The following AGBL1 variants were observed in gnomAD, a reference collection of about 807,000 sequenced individuals.
AGBL1 encodes AGBL carboxypeptidase 1, also known as cytosolic carboxypeptidase 4.
Under a neutral mutation model 118.9 loss-of-function variants are expected in AGBL1, and 130 were observed. The ratio of observed to expected loss-of-function variants is 1.09; its 90% CI spans 0.95 to 1.26. The LOEUF (loss-of-function observed/expected upper bound fraction) is 1.26. Ranked by LOEUF, AGBL1 falls within the 50% of genes most tolerant of loss-of-function variation. The pLI is 0.00. For missense variants in AGBL1, 1,584 were observed against 1,298.1 expected (o/e 1.22, Z -3.38); for synonymous variants, 555 against 478.9 (o/e 1.16, Z -2.08).
intron 18 of AGBL1, among the ~76,000 whole-genome samples, chr15:86,447,797 A>G (rs547338167): frequency 1.5e-3 from 232 of 152,206 alleles, no homozygotes; most frequent in Non-Finnish European, 2.8e-3. Flanking sequence ...TTCTGAATAC[A>G]AAGAGAGGAC....
chr15:86,724,021 G>A (rs1227689872), intron 22 of AGBL1, among the ~76,000 whole-genome samples: 1 of 152,006 alleles, frequency 6.6e-6, no homozygotes, highest in African/African-American at 2.4e-5. Flanking sequence ...GGATCACGAG[G>A]TCAGGAGATC....
chr15:86,435,719 A>G (rs2081993318), intron 18 of AGBL1, among the ~76,000 whole-genome samples: 1 of 152,186 alleles, frequency 6.6e-6, no homozygotes, highest in Admixed American at 6.5e-5. Context: ...GCTAGCCAGA[A>G]ACCTCGGGTA....
At chr15:86,084,840 C>A (rs1404827428) in intron 1 of AGBL1, among the ~76,000 whole-genome samples, 1 of 152,186 alleles carries the variant, frequency 6.6e-6, no homozygotes, top group African/African-American at 2.4e-5. Context: ...ATTTATCCAT[C>A]CATCCATCCA....
chr15:86,366,056 G>T (rs2080883058), intron 17 of AGBL1, among the ~76,000 whole-genome samples: 1 of 152,110 alleles, frequency 6.6e-6, no homozygotes, highest in African/African-American at 2.4e-5. Flanking sequence ...GTGTCCCCAG[G>T]CCTGGCAGCA....
At chr15:86,705,250 C>G (rs983451648) in intron 22 of AGBL1, among the ~76,000 whole-genome samples, 1 of 152,102 alleles carries the variant, frequency 6.6e-6, no homozygotes, top group Non-Finnish European at 1.5e-5. Context: ...ACATGTATAC[C>G]TGTATAACAA....
At chr15:86,684,841 C>A (rs942433157) in intron 22 of AGBL1, among the ~76,000 whole-genome samples, 1 of 152,142 alleles carries the variant, frequency 6.6e-6, no homozygotes, top group Non-Finnish European at 1.5e-5. Flanking sequence ...ATTCTAACAT[C>A]AGTAGTAGAG....
intron 23 of AGBL1, among the ~76,000 whole-genome samples, chr15:86,984,759 T>TG (rs2081264925): frequency 6.6e-6 from 1 of 152,170 alleles, no homozygotes; most frequent in East Asian, 1.9e-4. Flanking sequence ...TCCCAGTTAG[T>TG]GGCTTGCTTT....
chr15:86,461,329 G>A (rs539481941), intron 18 of AGBL1, among the ~76,000 whole-genome samples: 2 of 152,248 alleles, frequency 1.3e-5, no homozygotes, highest in Admixed American at 1.3e-4. Context: ...ATCTTTGAAG[G>A]AATCAGCCAA....
intron 16 of AGBL1, among the ~76,000 whole-genome samples, chr15:86,288,851 T>A (rs561419958): frequency 2.0e-5 from 3 of 152,264 alleles, no homozygotes; most frequent in Admixed American, 1.3e-4. Context: ...TTTTGTGTTA[T>A]ATATTTGAAT....
At position 86,289,596 on chromosome 15, in the gene AGBL1, A is replaced by G. The variant is rs1477790728; in HGVS notation, c.2221-5659A>G. Among the ~76,000 whole-genome samples, 4 of 152,156 alleles carry G rather than the reference A, an allele frequency of 2.6e-5. No homozygotes were observed. In the East Asian group the frequency reaches 7.7e-4, roughly 29 times the overall value. ...AAAAATTTACATCAGTTTTTTCAGAATCCACGCAACCAGAATGTAAACCCA... is the reference window on the plus strand; with the variant it reads ...AAAAATTTACATCAGTTTTTTCAGAGTCCACGCAACCAGAATGTAAACCCA... On this transcript the variant is annotated intron_variant, in intron 16 of 22. Coordinates refer to ENST00000614907, the MANE Select transcript of AGBL1 (RefSeq NM_001386094.1).
intron 15 of AGBL1, among the ~76,000 whole-genome samples, chr15:86,272,465 A>G (rs2141694599): frequency 6.6e-6 from 1 of 152,332 alleles, no homozygotes; most frequent in Admixed American, 6.5e-5. Flanking sequence ...CTGAGAGACT[A>G]GTACTTACTT....
At chr15:86,726,995 TAAG>T (rs1251011504) in intron 22 of AGBL1, among the ~76,000 whole-genome samples, 2 of 152,122 alleles carry the variant, frequency 1.3e-5, no homozygotes, top group Non-Finnish European at 2.9e-5. Context: ...TTGGCACAGT[TAAG>T]AAGTCAGTGG....
At chr15:86,286,749 A>ATATATATATATATATATATATATAT (rs60775713) in intron 16 of AGBL1, among the ~76,000 whole-genome samples, 8 of 145,446 alleles carry the variant, frequency 5.5e-5, no homozygotes, top group South Asian at 4.3e-4. Flanking sequence ...ATATATATAT[A>ATATATATATATATATATATATATAT]AAACTCCATC....
chr15:86,279,917 G>C, intron 16 of AGBL1, 134 bp downstream of exon 16: 1 of 1,201,228 alleles, frequency 8.3e-7, no homozygotes, highest in Non-Finnish European at 1.2e-6. Flanking sequence ...CCTTCCTAAA[G>C]GAGCCAGGTT....
At chr15:86,960,988 G>A (rs1265131190) in intron 23 of AGBL1, among the ~76,000 whole-genome samples, 1 of 151,970 alleles carries the variant, frequency 6.6e-6, no homozygotes, top group African/African-American at 2.4e-5. Flanking sequence ...GTTATAAGAC[G>A]ACTAAGTTCT....
chr15:86,210,798 C>T (rs1486846199), intron 5 of AGBL1, among the ~76,000 whole-genome samples: 1 of 152,084 alleles, frequency 6.6e-6, no homozygotes, highest in East Asian at 1.9e-4. Context: ...TATTACTGAC[C>T]TTCTGAAGCC....
chr15:86,749,199 G>T (rs1459194378), intron 22 of AGBL1, among the ~76,000 whole-genome samples: 1 of 152,128 alleles, frequency 6.6e-6, no homozygotes, highest in African/African-American at 2.4e-5. Flanking sequence ...GCAGTGATTT[G>T]TAGTTCTCCT....
chr15:86,726,576 A>G (rs1257495530), intron 22 of AGBL1, among the ~76,000 whole-genome samples: 1 of 152,120 alleles, frequency 6.6e-6, no homozygotes, highest in Non-Finnish European at 1.5e-5. Flanking sequence ...TATTATTATT[A>G]TTTGAAATAG....
rs2080319584 is a variant in AGBL1, at chr15:86,909,276, T to C, written c.*1982T>C. ...GTCTGAATACTAAGGGAAAAGATAA[T>C]AATACATATTGGGAGATTACATATC... On this transcript the variant is annotated 3_prime_UTR_variant, in exon 23 of 23. Coordinates refer to ENST00000614907, the MANE Select transcript of AGBL1 (RefSeq NM_001386094.1). 6.6e-6 allele frequency: 1 copy of C among 152,214 alleles called. No individual in the cohort carries two copies. Among genetic ancestry groups the C allele is most frequent in the Non-Finnish European group, 1.5e-5 (1 of 68,036 alleles). 9.4% of individuals were successfully genotyped at this position (152,214 alleles called of 1,614,324 possible). A position where few individuals can be genotyped will look rare whatever the true frequency, so the allele number is the denominator to read the frequency against.
Sources: allele counts gnomAD v4.1 joint callset (sites outside exome capture counted in the v4.1 genomes callset), GRCh38; gene constraint gnomAD v4.1.1; transcripts MANE v1.5; gene names NCBI Gene and HGNC (gene_info 2026-07-23, HGNC 2026-07-21).